The following NUBP1 variants were observed in gnomAD, a reference collection of about 807,000 sequenced individuals.
NUBP1 encodes cytosolic Fe-S cluster assembly factor NUBP1.
In NUBP1, 46 loss-of-function variants were observed where a neutral mutation model predicts 41.8. The observed-to-expected ratio is 1.10, with a 90% CI of 0.87 to 1.41. The LOEUF is 1.41. Ranked by LOEUF, NUBP1 falls within the 40% of genes most tolerant of loss-of-function variation. NUBP1 has a pLI of 0.00. For synonymous variants in NUBP1, 189 were observed against 154.6 expected, an observed-to-expected ratio of 1.22 and a Z score of -1.65; for missense variants, 494 against 414.0, an observed-to-expected ratio of 1.19 and a Z score of -1.68.
At chr16:10,750,659 A>G (rs1423125777) in intron 3 of NUBP1, among the ~76,000 whole-genome samples, 2 of 152,246 alleles carry the variant, frequency 1.3e-5, no homozygotes, top group Admixed American at 6.5e-5. Flanking sequence ...CTGGGACTGC[A>G]GAGCTGAGAG....
chr16:10,755,288 C>T (rs1191767753), intron 4 of NUBP1, among the ~76,000 whole-genome samples: 2 of 152,166 alleles, frequency 1.3e-5, no homozygotes, highest in African/African-American at 4.8e-5. Context: ...GTGGCTGGAG[C>T]TGATTGGGGA....
Position 10,766,675 on chromosome 16 carries a change from G to T in NUBP1, c.821-1274G>T, listed in dbSNP as rs1455253887. 3.1e-6 allele frequency: 1 copy of T among 326,766 alleles called. No individual in the cohort carries two copies. Among genetic ancestry groups the T allele is most frequent in the Non-Finnish European group, 5.5e-6 (1 of 181,696 alleles). 20.2% of individuals were successfully genotyped at this position (326,766 alleles called of 1,614,324 possible). ...CAAAAAATTGGACAAAACGCACAAAGAAAGGAAGGAAGGAAGGGATTTATT... is the reference window on the plus strand; with the variant it reads ...CAAAAAATTGGACAAAACGCACAAATAAAGGAAGGAAGGAAGGGATTTATT... On this transcript the variant is annotated intron_variant, in intron 9 of 10. Coordinates refer to ENST00000283027, the MANE Select transcript of NUBP1 (RefSeq NM_002484.4). The surrounding 1 kb of genome is among the most constrained non-coding windows in gnomAD (Gnocchi z 4.8).
intron 3 of NUBP1, among the ~76,000 whole-genome samples, chr16:10,751,189 C>T (rs1567255358): frequency 2.0e-5 from 3 of 152,066 alleles, no homozygotes; most frequent in Admixed American, 6.6e-5. Flanking sequence ...TGAAATTCCT[C>T]TAAAGGGAAT....
intron 2 of NUBP1, among the ~76,000 whole-genome samples, chr16:10,745,484 G>T (rs922270693): frequency 3.3e-5 from 5 of 152,134 alleles, no homozygotes; most frequent in African/African-American, 4.8e-5. Context: ...GAGAAAAATA[G>T]TTATCTCTGT....
intron 2 of NUBP1, among the ~76,000 whole-genome samples, chr16:10,744,347 C>T (rs1433466782): frequency 6.6e-6 from 1 of 152,102 alleles, no homozygotes; most frequent in African/African-American, 2.4e-5. Flanking sequence ...TCGAAAGGGA[C>T]ATTAATTAAG....
rs1339197112 is a variant in NUBP1, at chr16:10,749,250, A to G, written c.258+1974A>G. ...GTACTGGCCTAGTGGGCTGGCCAAG[A>G]AATCTGCTTTCTCAGATTGTCTGTA... On this transcript the variant is annotated intron_variant, in intron 3 of 10. Transcript: ENST00000283027. This position sits in a 1 kb window ranked among gnomAD's most constrained non-coding sequence, Gnocchi z 4.1. 6.6e-6 allele frequency among the ~76,000 whole-genome samples: 1 copy of G among 152,114 alleles called. No individual in the cohort carries two copies. Among genetic ancestry groups the G allele is most frequent in the Non-Finnish European group, 1.5e-5 (1 of 68,036 alleles).
intron 7 of NUBP1, among the ~76,000 whole-genome samples, chr16:10,758,895 A>G (rs1900752483): frequency 1.3e-5 from 2 of 152,176 alleles, no homozygotes; most frequent in Non-Finnish European, 2.9e-5. Flanking sequence ...CCGAGCTGAG[A>G]GGAGAGCGAT....
rs2030936885 is a variant in NUBP1, at chr16:10,766,731, G to A, written c.821-1218G>A. 2.5e-6 allele frequency: 1 copy of A among 392,890 alleles called. No individual in the cohort carries two copies. Among genetic ancestry groups the A allele is most frequent in the Non-Finnish European group, 4.5e-6 (1 of 222,920 alleles). The allele number at this position is 392,890 out of a possible 1,614,324, so 24.3% of individuals were successfully genotyped here. A position where few individuals can be genotyped will look rare whatever the true frequency, so the allele number is the denominator to read the frequency against. ...TGAAAGTCAACTCCACGGTGTGGGA[G>A]GAGAACGGGCCTGAGAATAGGGGCT... is the stretch of plus-strand genomic sequence containing the variant. On this transcript the variant is annotated intron_variant, in intron 9 of 10. Transcript: ENST00000283027. The surrounding 1 kb of genome is among the most constrained non-coding windows in gnomAD (Gnocchi z 4.8).
At chr16:10,752,741 T>G in intron 4 of NUBP1, 63 bp downstream of exon 4, 21 of 1,357,868 alleles carry the variant, frequency 1.5e-5, no homozygotes, top group Non-Finnish European at 2.2e-5. Context: ...AGCACTGAAC[T>G]GTCAAACCTC....
intron 2 of NUBP1, among the ~76,000 whole-genome samples, chr16:10,746,642 A>C (rs1404354474): frequency 1.3e-5 from 2 of 152,038 alleles, no homozygotes; most frequent in Non-Finnish European, 2.9e-5. Flanking sequence ...TTGGGAGGCT[A>C]AGGCAGGAGA....
intron 9 of NUBP1, among the ~76,000 whole-genome samples, chr16:10,762,590 C>A (rs1332676701): frequency 6.6e-6 from 1 of 152,148 alleles, no homozygotes; most frequent in Non-Finnish European, 1.5e-5. Context: ...TTTAGTGGGG[C>A]TCCTGCGGGG....
At position 10,756,559 on chromosome 16, in the gene NUBP1, C is replaced by T. The variant is rs565299675; in HGVS notation, c.361-131C>T. On this transcript the variant is annotated intron_variant, in intron 5 of 10. Transcript: ENST00000283027. ...TTTAGGAGCAAAGAGTGAATATGCT[C>T]ATAGGTCACATGGTAGTTTTGTCCT... is the stretch of plus-strand genomic sequence containing the variant. The T allele has an allele frequency of 3.7e-5, 20 of 547,370 alleles. No homozygotes were observed. In the African/African-American group the frequency reaches 3.9e-4, roughly 11 times the overall value. The allele number at this position is 547,370 out of a possible 1,614,324, so 33.9% of individuals were successfully genotyped here. A position where few individuals can be genotyped will look rare whatever the true frequency, so the allele number is the denominator to read the frequency against.
At chr16:10,752,399 C>G (rs150398467) in intron 3 of NUBP1, among the ~76,000 whole-genome samples, 33 of 152,290 alleles carry the variant, frequency 2.2e-4, no homozygotes, top group African/African-American at 5.5e-4. Flanking sequence ...CTCAGCCAGG[C>G]TGAGGGGTAG....
rs1046899649 is a variant in NUBP1 at position 10,759,509 on chromosome 16, C to T, written c.606+1482C>T. Among the ~76,000 whole-genome samples, 2 of 152,190 alleles carry T rather than the reference C, an allele frequency of 1.3e-5. No homozygotes were observed. The highest frequency in any genetic ancestry group is 4.8e-5 in the African/African-American group (2 of 41,454). On this transcript the variant is annotated intron_variant, in intron 7 of 10. Coordinates refer to ENST00000283027, the MANE Select transcript of NUBP1 (RefSeq NM_002484.4). This position sits in a 1 kb window ranked among gnomAD's most constrained non-coding sequence, Gnocchi z 4.7. ...GTGGTTGGTGCTGGGCACACTGGCT[C>T]ATGTCTGTAATCCCAGCACTTTGGG...
rs754992962 is a variant in NUBP1 at position 10,752,682 on chromosome 16, A to G, written c.327+4A>G. The G allele has an allele frequency of 4.3e-6, 7 of 1,612,728 alleles. No homozygotes were observed. The African/African-American group carries it at 8.0e-5, about 18-fold the overall frequency. On this transcript the variant is annotated splice_donor_region_variant and intron_variant, in intron 4 of 10. Transcript: ENST00000283027. Reference sequence around the variant, plus strand: ...AATGGGATTGGAAGGAGAGCAGGTAATAGCCGGTTACAGAACTCAGGAAAT... The same window carrying G: ...AATGGGATTGGAAGGAGAGCAGGTAGTAGCCGGTTACAGAACTCAGGAAAT...
At position 10,749,126 on chromosome 16, in the gene NUBP1, T is replaced by TACACACACACACACACAC. The variant is rs58201009; in HGVS notation, c.258+1877_258+1894dup. On this transcript the variant is annotated intron_variant, in intron 3 of 10. Transcript: ENST00000283027. The surrounding 1 kb of genome is among the most constrained non-coding windows in gnomAD (Gnocchi z 4.1). ...GGATATAGATAGATACACAGACACA[T>TACACACACACACACACAC]ACACACACACACACACACACACACA... Among the ~76,000 whole-genome samples, 2 of 121,018 alleles carry TACACACACACACACACAC rather than the reference T, an allele frequency of 1.7e-5. No individual in the cohort carries two copies. The highest frequency in any genetic ancestry group is 1.8e-5 in the Non-Finnish European group (1 of 55,352). 79.4% of individuals were successfully genotyped at this position (121,018 alleles called of 152,430 possible).
chr16:10,749,126 T>TACACACACACACACAC lies in NUBP1; in HGVS notation c.258+1879_258+1894dup, dbSNP rs58201009. The stretch of plus-strand genomic sequence containing the variant: ...GGATATAGATAGATACACAGACACA[T>TACACACACACACACAC]ACACACACACACACACACACACACA... On this transcript the variant is annotated intron_variant, in intron 3 of 10. Coordinates refer to ENST00000283027, the MANE Select transcript of NUBP1 (RefSeq NM_002484.4). This position sits in a 1 kb window ranked among gnomAD's most constrained non-coding sequence, Gnocchi z 4.1. Among the ~76,000 whole-genome samples, 2 of 121,020 alleles carry TACACACACACACACAC rather than the reference T, an allele frequency of 1.7e-5. No individual in the cohort carries two copies. Among genetic ancestry groups the TACACACACACACACAC allele is most frequent in the African/African-American group, 3.1e-5 (1 of 32,142 alleles). The allele number at this position is 121,020 out of a possible 152,430, so 79.4% of individuals were successfully genotyped here. A position where few individuals can be genotyped will look rare whatever the true frequency, so the allele number is the denominator to read the frequency against.
At chr16:10,760,561 C>T (rs1900876154) in intron 7 of NUBP1, among the ~76,000 whole-genome samples, 1 of 152,152 alleles carries the variant, frequency 6.6e-6, no homozygotes. Context: ...GTCTGGGCAA[C>T]AACCATCTCT....
At position 10,757,851 on chromosome 16, in the gene NUBP1, C is replaced by T; in HGVS notation, c.452-22C>T. ...AGAAAAGAAAGGAAAAGTAAGCATC[C>T]CCTGTGGATTCCTCTTTCTAGGCAT... On this transcript the variant is annotated intron_variant, in intron 6 of 10. Coordinates refer to ENST00000283027, the MANE Select transcript of NUBP1 (RefSeq NM_002484.4). This position sits in a 1 kb window ranked among gnomAD's most constrained non-coding sequence, Gnocchi z 4.1. 1.2e-6 allele frequency: 2 copies of T among 1,605,250 alleles called. No homozygotes were observed. Among genetic ancestry groups the T allele is most frequent in the Non-Finnish European group, 1.7e-6 (2 of 1,172,906 alleles).
Sources: allele counts gnomAD v4.1 joint callset (sites outside exome capture counted in the v4.1 genomes callset), GRCh38; gene constraint gnomAD v4.1.1; non-coding constraint Gnocchi (gnomAD v3.1); transcripts MANE v1.5; gene names NCBI Gene and HGNC (gene_info 2026-07-23, HGNC 2026-07-21).